HUNK: variants seen among roughly 807,000 people sequenced by gnomAD.
The protein encoded by HUNK is hormonally up-regulated Neu-associated kinase.
HUNK carries 21 observed loss-of-function variants against 61.0 expected under a neutral mutation model. The observed-to-expected ratio is 0.34, with a 90% CI of 0.24 to 0.50. HUNK has a LOEUF of 0.50. Among genes scored for constraint, HUNK ranks in the 20% least tolerant of loss-of-function variants. The probability of loss-of-function intolerance (pLI) is 0.98; values close to 1 mark genes in which losing one functional copy is unlikely to be tolerated. For synonymous variants in HUNK, 371 were observed against 386.1 expected, an observed-to-expected ratio of 0.96 and a Z score of 0.46; for missense variants, 772 against 945.7, an observed-to-expected ratio of 0.82 and a Z score of 2.41.
At chr21:31,959,134 T>TC (rs2052910379) in intron 5 of HUNK, among the ~76,000 whole-genome samples, 164 bp downstream of exon 5, 1 of 152,206 alleles carries the variant, frequency 6.6e-6, no homozygotes, top group Non-Finnish European at 1.5e-5. Flanking sequence ...TGGTTGGGTT[T>TC]CCCGTCTCTC....
chr21:31,935,378 T>C (rs2052726708), intron 2 of HUNK, among the ~76,000 whole-genome samples: 1 of 152,202 alleles, frequency 6.6e-6, no homozygotes, highest in Non-Finnish European at 1.5e-5. Flanking sequence ...CTGGCACATT[T>C]GTTACAATGG....
intron 4 of HUNK, among the ~76,000 whole-genome samples, chr21:31,949,587 A>T (rs2052834783): frequency 6.6e-6 from 1 of 152,172 alleles, no homozygotes; most frequent in African/African-American, 2.4e-5. Flanking sequence ...ACACACACAC[A>T]CACACACGCA....
chr21:31,905,662 C>A (rs2052500082), intron 1 of HUNK, among the ~76,000 whole-genome samples: 1 of 152,170 alleles, frequency 6.6e-6, no homozygotes, highest in South Asian at 2.1e-4. Flanking sequence ...TGCAGGGAGG[C>A]CAGGAGGATT....
chr21:31,988,786 T>C (rs1483371405), intron 8 of HUNK, among the ~76,000 whole-genome samples: 3 of 150,378 alleles, frequency 2.0e-5, no homozygotes, highest in African/African-American at 7.4e-5. Flanking sequence ...CTCTCTCTCT[T>C]TTTCTGCCTT....
At chr21:31,989,739 G>T (rs1216258348) in intron 8 of HUNK, among the ~76,000 whole-genome samples, 1 of 147,092 alleles carries the variant, frequency 6.8e-6, no homozygotes, top group Non-Finnish European at 1.5e-5. Flanking sequence ...AAAAAGCCTG[G>T]TTACTTTGGG....
intron 1 of HUNK, among the ~76,000 whole-genome samples, chr21:31,902,806 G>C (rs1158042914): frequency 6.6e-6 from 1 of 152,182 alleles, no homozygotes; most frequent in Non-Finnish European, 1.5e-5. Context: ...CTAAGCTTAA[G>C]TTAATCAGAC....
intron 5 of HUNK, among the ~76,000 whole-genome samples, chr21:31,959,447 A>C (rs1341933036): frequency 6.6e-6 from 1 of 152,204 alleles, no homozygotes; most frequent in Non-Finnish European, 1.5e-5. Context: ...GCCCGTTCAA[A>C]AGCTTTTAAA....
intron 3 of HUNK, among the ~76,000 whole-genome samples, chr21:31,945,103 G>A (rs928818917): frequency 1.3e-5 from 2 of 152,144 alleles, no homozygotes; most frequent in South Asian, 2.1e-4. Context: ...CCTGCAGCCC[G>A]AGTCTTCTGT....
chr21:31,986,872 T>G (rs1230072389), intron 8 of HUNK, among the ~76,000 whole-genome samples: 1 of 152,158 alleles, frequency 6.6e-6, no homozygotes, highest in African/African-American at 2.4e-5. Context: ...ATCGATCCTA[T>G]CTGCCTACCA....
chr21:31,965,558 C>T (rs993285183), intron 5 of HUNK, among the ~76,000 whole-genome samples: 3 of 150,966 alleles, frequency 2.0e-5, no homozygotes, highest in African/African-American at 7.3e-5. Context: ...GGCCTCTACA[C>T]ATGCATTTCT....
chr21:31,914,958 C>A (rs976782707), intron 1 of HUNK, among the ~76,000 whole-genome samples: 4 of 152,162 alleles, frequency 2.6e-5, no homozygotes, highest in African/African-American at 9.7e-5. Flanking sequence ...ATTATCCTCC[C>A]CTCCCCGACA....
At chr21:31,923,604 GAAGGAA>G (rs1004865992) in intron 1 of HUNK, among the ~76,000 whole-genome samples, 4 of 140,976 alleles carry the variant, frequency 2.8e-5, no homozygotes, top group African/African-American at 7.6e-5. Context: ...GGAGGGAAGG[GAAGGAA>G]AAGGGTGAAT....
intron 6 of HUNK, 146 bp downstream of exon 6, chr21:31,968,531 C>A: frequency 1.1e-6 from 1 of 870,686 alleles, no homozygotes; most frequent in Non-Finnish European, 1.7e-6. Flanking sequence ...AACACCCACA[C>A]CCACACATCC....
chr21:31,902,533 C>T (rs910532876), intron 1 of HUNK, among the ~76,000 whole-genome samples: 4 of 152,106 alleles, frequency 2.6e-5, no homozygotes, highest in African/African-American at 9.7e-5. Flanking sequence ...TCTTCTTCCT[C>T]GTAGGGCTTG....
At chr21:31,954,443 A>C (rs2052873960) in intron 4 of HUNK, among the ~76,000 whole-genome samples, 1 of 152,256 alleles carries the variant, frequency 6.6e-6, no homozygotes. Context: ...GGCCCTGTAC[A>C]ACTGAAAAAC....
intron 7 of HUNK, among the ~76,000 whole-genome samples, chr21:31,982,873 G>C (rs1402613351): frequency 1.3e-5 from 2 of 152,098 alleles, no homozygotes; most frequent in African/African-American, 4.8e-5. Context: ...GCACGATCTT[G>C]GCTCACTGCA....
At chr21:31,916,067 T>G (rs1033361624) in intron 1 of HUNK, among the ~76,000 whole-genome samples, 3 of 146,866 alleles carry the variant, frequency 2.0e-5, no homozygotes, top group Non-Finnish European at 3.0e-5. Flanking sequence ...TTTTTTTTTT[T>G]TGAGACGGAG....
At position 31,999,889 on chromosome 21, in the gene HUNK, GT is replaced by G; in HGVS notation, c.*706del. 3.1e-6 allele frequency: 1 copy of G among 324,610 alleles called. No individual in the cohort carries two copies. The allele number at this position is 324,610 out of a possible 1,614,324, so 20.1% of individuals were successfully genotyped here. On this transcript the variant is annotated 3_prime_UTR_variant, in exon 11 of 11. Coordinates refer to ENST00000270112, the MANE Select transcript of HUNK (RefSeq NM_014586.2). ...TCTTTTCCAAAGATTTTTTTTAAAT[GT>G]GATGTCGGTAAATTGAAATAACATA... is the stretch of plus-strand genomic sequence containing the variant.
intron 2 of HUNK, among the ~76,000 whole-genome samples, chr21:31,931,562 GC>G (rs2052696693): frequency 6.6e-6 from 1 of 152,086 alleles, no homozygotes; most frequent in African/African-American, 2.4e-5. Context: ...ACTTGCCCGG[GC>G]CGGGTTGGCG....
Sources: allele counts gnomAD v4.1 joint callset (sites outside exome capture counted in the v4.1 genomes callset), GRCh38; gene constraint gnomAD v4.1.1; transcripts MANE v1.5; gene names NCBI Gene and HGNC (gene_info 2026-07-23, HGNC 2026-07-21).